GALNT2: variants seen among roughly 807,000 people sequenced by gnomAD.
The protein encoded by GALNT2 is UDP-GalNAc:polypeptide N-acetylgalactosaminyltransferase 2.
GALNT2 carries 31 observed loss-of-function variants against 81.4 expected under a neutral mutation model. The ratio of observed to expected loss-of-function variants is 0.38; its 90% CI spans 0.29 to 0.51. The LOEUF is 0.51. Among genes scored for constraint, GALNT2 ranks in the 20% least tolerant of loss-of-function variants. The pLI is 0.87. For synonymous variants in GALNT2, 303 were observed against 287.4 expected (o/e 1.05, Z -0.55); for missense variants, 629 against 765.7 (o/e 0.82, Z 2.11).
intron 1 of GALNT2, among the ~76,000 whole-genome samples, chr1:230,112,890 A>G (rs1014740982): frequency 6.6e-6 from 1 of 152,176 alleles, no homozygotes; most frequent in Non-Finnish European, 1.5e-5. Context: ...TTCCAGTAAA[A>G]TAGAGTGTCT....
At chr1:230,134,306 A>G (rs564475820) in intron 1 of GALNT2, among the ~76,000 whole-genome samples, 2 of 151,916 alleles carry the variant, frequency 1.3e-5, no homozygotes, top group Non-Finnish European at 2.9e-5. Context: ...ACGGGGTTTC[A>G]CCACGTTAGC....
intron 1 of GALNT2, among the ~76,000 whole-genome samples, chr1:230,097,770 G>T (rs938599912): frequency 2.6e-5 from 4 of 152,114 alleles, no homozygotes; most frequent in Non-Finnish European, 5.9e-5. Context: ...TGATATCTCA[G>T]GAAAATTTTA....
chr1:230,267,949 G>T (rs553043694), intron 14 of GALNT2, among the ~76,000 whole-genome samples: 2 of 152,328 alleles, frequency 1.3e-5, no homozygotes, highest in African/African-American at 4.8e-5. Context: ...GTCCCGCTGT[G>T]GTCCAGGTGT....
chr1:230,261,081 C>CTTTTTTT (rs60478941), intron 11 of GALNT2, among the ~76,000 whole-genome samples: 11 of 130,366 alleles, frequency 8.4e-5, no homozygotes, highest in African/African-American at 2.6e-4. Context: ...TAAAGTTTCT[C>CTTTTTTT]TTTTTTTTTT....
chr1:230,279,279 A>G lies in GALNT2; in HGVS notation c.1561-24A>G, dbSNP rs6698963. The G allele has an allele frequency of 0.51, 810,837 of 1,604,820 alleles. 216,712 individuals are homozygous for G. Among genetic ancestry groups the G allele is most frequent in the East Asian group, 0.95 (42,187 of 44,600 alleles). On this transcript the variant is annotated intron_variant, in intron 15 of 15. Transcript: ENST00000366672. The surrounding 1 kb of genome is among the most constrained non-coding windows in gnomAD (Gnocchi z 4.6). ...ACTCCTTTGCTTGTGCCCACACTCTAAGGCACTCTCCTGTGTCTTGCAGAA... is the reference window on the plus strand; with the variant it reads ...ACTCCTTTGCTTGTGCCCACACTCTGAGGCACTCTCCTGTGTCTTGCAGAA...
intron 10 of GALNT2, 57 bp from the exon 11 acceptor site, chr1:230,255,161 G>C: frequency 6.2e-7 from 1 of 1,612,904 alleles, no homozygotes; most frequent in Non-Finnish European, 8.5e-7. Context: ...TGTGTCTGCT[G>C]TTGCAGAGGT....
At chr1:230,202,539 C>T (rs1024851283) in intron 2 of GALNT2, among the ~76,000 whole-genome samples, 4 of 152,158 alleles carry the variant, frequency 2.6e-5, no homozygotes, top group Non-Finnish European at 5.9e-5. Flanking sequence ...TGGCCAGGCC[C>T]CTGCTGTGCA....
intron 8 of GALNT2, among the ~76,000 whole-genome samples, chr1:230,248,174 C>T (rs1342071626): frequency 2.0e-5 from 3 of 152,212 alleles, no homozygotes; most frequent in African/African-American, 7.2e-5. Flanking sequence ...CTCAGAAACC[C>T]TCACCCGCCA....
At chr1:230,212,559 C>T (rs1664265301) in intron 3 of GALNT2, among the ~76,000 whole-genome samples, 1 of 152,104 alleles carries the variant, frequency 6.6e-6, no homozygotes, top group Non-Finnish European at 1.5e-5. Flanking sequence ...CTCTGCCTGT[C>T]AGTGTGACAT....
At chr1:230,122,643 CGTGT>C (rs971532884) in intron 1 of GALNT2, among the ~76,000 whole-genome samples, 3 of 150,676 alleles carry the variant, frequency 2.0e-5, no homozygotes. Flanking sequence ...CATGTACATA[CGTGT>C]GTGTGTGTGT....
At chr1:230,247,096 T>A (rs1277756901) in intron 8 of GALNT2, among the ~76,000 whole-genome samples, 2 of 147,570 alleles carry the variant, frequency 1.4e-5, no homozygotes, top group Non-Finnish European at 3.0e-5. Context: ...AAAAAAAAAA[T>A]TAGCTGCGTG....
At chr1:230,076,953 G>A (rs180866943) in intron 1 of GALNT2, among the ~76,000 whole-genome samples, 1 of 152,264 alleles carries the variant, frequency 6.6e-6, no homozygotes, top group African/African-American at 2.4e-5. Flanking sequence ...ACAGGCTGCT[G>A]CCCTAGAAAA....
intron 14 of GALNT2, 110 bp downstream of exon 14, chr1:230,265,477 T>A: frequency 6.8e-7 from 1 of 1,474,918 alleles, no homozygotes; most frequent in Non-Finnish European, 9.3e-7. Flanking sequence ...ATGGGTGATG[T>A]CTATGAGGAA....
chr1:230,246,341 T>A (rs1217769696), intron 8 of GALNT2, among the ~76,000 whole-genome samples, 191 bp downstream of exon 8: 1 of 152,212 alleles, frequency 6.6e-6, no homozygotes, highest in Admixed American at 6.5e-5. Flanking sequence ...CTTGCTCCCT[T>A]AAAGAGCTTC....
At chr1:230,154,634 G>A (rs1662192198) in intron 1 of GALNT2, among the ~76,000 whole-genome samples, 1 of 152,144 alleles carries the variant, frequency 6.6e-6, no homozygotes, top group East Asian at 1.9e-4. Context: ...TGAAATGGGG[G>A]ATTCAGACAG....
intron 1 of GALNT2, among the ~76,000 whole-genome samples, chr1:230,079,118 G>A (rs952072796): frequency 6.6e-6 from 1 of 152,232 alleles, no homozygotes; most frequent in Non-Finnish European, 1.5e-5. Flanking sequence ...GACTTGGGAA[G>A]CTGAGTGGGA....
chr1:230,150,230 G>C (rs140162162), intron 1 of GALNT2, among the ~76,000 whole-genome samples: 2 of 152,184 alleles, frequency 1.3e-5, no homozygotes, highest in African/African-American at 4.8e-5. Context: ...GCCTACCTCC[G>C]TGTGCTGCCG....
At chr1:230,276,392 C>A (rs1023280537) in intron 15 of GALNT2, among the ~76,000 whole-genome samples, 1 of 152,210 alleles carries the variant, frequency 6.6e-6, no homozygotes, top group East Asian at 1.9e-4. Context: ...ACAGTCGGTC[C>A]TTAGAGATAG....
At chr1:230,265,095 C>T (rs1212933220) in intron 13 of GALNT2, 146 bp from the exon 14 acceptor site, 1 of 949,692 alleles carries the variant, frequency 1.1e-6, no homozygotes, top group African/African-American at 1.6e-5. Flanking sequence ...CACACACTAC[C>T]TGTGGTAGGA....
Sources: allele counts gnomAD v4.1 joint callset (sites outside exome capture counted in the v4.1 genomes callset), GRCh38; gene constraint gnomAD v4.1.1; non-coding constraint Gnocchi (gnomAD v3.1); transcripts MANE v1.5; gene names NCBI Gene and HGNC (gene_info 2026-07-23, HGNC 2026-07-21).